The following CTNNA2 variants were observed in gnomAD, a reference collection of about 807,000 sequenced individuals.
CTNNA2 encodes catenin alpha-2.
In CTNNA2, 42 loss-of-function variants were observed where a neutral mutation model predicts 101.0. That is an observed-to-expected ratio of 0.42 (90% CI 0.32 to 0.54). The LOEUF is 0.54. CTNNA2 is among the 20% of genes least tolerant of loss of function. CTNNA2 has a pLI of 0.14. For synonymous variants in CTNNA2, 450 were observed against 456.4 expected (o/e 0.99, Z 0.18); for missense variants, 871 against 1,223.1 (o/e 0.71, Z 4.29).
chr2:79,282,135 A>T (rs920842382), intron 2 of CTNNA2, among the ~76,000 whole-genome samples: 5 of 152,178 alleles, frequency 3.3e-5, no homozygotes, highest in African/African-American at 1.2e-4. Flanking sequence ...TTCAGATGAG[A>T]AAAACAGGGT....
intron 7 of CTNNA2, among the ~76,000 whole-genome samples, chr2:80,315,568 C>T (rs1353153628): frequency 6.6e-6 from 1 of 152,138 alleles, no homozygotes; most frequent in African/African-American, 2.4e-5. Flanking sequence ...AGCTCTGGTG[C>T]AATCAGGTGG....
chr2:80,619,378 A>C (rs1670858393), intron 18 of CTNNA2, 150 bp downstream of exon 18: 4 of 815,776 alleles, frequency 4.9e-6, no homozygotes, highest in African/African-American at 1.8e-5. Context: ...TTTATTCTTT[A>C]TGTGGGTCAG....
intron 1 of CTNNA2, among the ~76,000 whole-genome samples, chr2:79,640,114 AT>A: frequency 6.6e-6 from 1 of 152,278 alleles, no homozygotes; most frequent in Middle Eastern, 3.4e-3. Context: ...GGTAAATCAA[AT>A]AGATAACAAC....
intron 7 of CTNNA2, among the ~76,000 whole-genome samples, chr2:79,970,953 C>T (rs1558687301): frequency 6.6e-6 from 1 of 152,118 alleles, no homozygotes; most frequent in South Asian, 2.1e-4. Flanking sequence ...ACTACTTGGC[C>T]TTATTCCTGG....
chr2:80,495,871 C>T (rs547733693), intron 9 of CTNNA2, among the ~76,000 whole-genome samples: 50 of 134,258 alleles, frequency 3.7e-4, no homozygotes, highest in African/African-American at 1.2e-3. Flanking sequence ...GCCCGGGAGA[C>T]GGAGGTTTCA....
At chr2:80,565,768 C>T (rs1026452639) in intron 12 of CTNNA2, among the ~76,000 whole-genome samples, 22 of 152,138 alleles carry the variant, frequency 1.4e-4, no homozygotes, top group Admixed American at 3.9e-4. Flanking sequence ...ATTTACCACT[C>T]GATTCCCGAT....
chr2:79,432,204 AACG>A (rs1678665955), intron 4 of CTNNA2, among the ~76,000 whole-genome samples: 1 of 152,184 alleles, frequency 6.6e-6, no homozygotes, highest in East Asian at 1.9e-4. Flanking sequence ...ACTAGGATGG[AACG>A]ACAAGTATTT....
At chr2:79,435,574 G>T (rs1267108095) in intron 4 of CTNNA2, among the ~76,000 whole-genome samples, 1 of 152,110 alleles carries the variant, frequency 6.6e-6, no homozygotes, top group African/African-American at 2.4e-5. Context: ...GTGATTCTGG[G>T]TTATCCCTCT....
intron 7 of CTNNA2, among the ~76,000 whole-genome samples, chr2:80,040,847 C>G (rs1034274983): frequency 6.6e-6 from 1 of 151,976 alleles, no homozygotes; most frequent in Non-Finnish European, 1.5e-5. Flanking sequence ...TAGGAATTTA[C>G]CTTAAGGAAA....
At chr2:80,441,551 A>G (rs76023450) in intron 9 of CTNNA2, among the ~76,000 whole-genome samples, 370 of 152,300 alleles carry the variant, frequency 2.4e-3, no homozygotes, top group African/African-American at 8.6e-3. Context: ...TCCACAGAGG[A>G]AATTTTAAAA....
Position 80,059,640 on chromosome 2 carries a change from G to A in CTNNA2, c.1056+149843G>A, listed in dbSNP as rs544433039. ...AAGCCATTTCTCCCCATCAGCGTGTGAGCCTATCACTAAATAAACTTCCTG... is the reference window on the plus strand; with the variant it reads ...AAGCCATTTCTCCCCATCAGCGTGTAAGCCTATCACTAAATAAACTTCCTG... On this transcript the variant is annotated intron_variant, in intron 7 of 18. Coordinates refer to ENST00000402739, the MANE Select transcript of CTNNA2 (RefSeq NM_001282597.3). Among the ~76,000 whole-genome samples, 46 of 152,298 alleles carry A rather than the reference G, an allele frequency of 3.0e-4. 1 individual carries two copies. The highest frequency in any genetic ancestry group is 1.1e-3 in the African/African-American group (45 of 41,548).
chr2:80,323,851 C>G (rs1009141605), intron 7 of CTNNA2, among the ~76,000 whole-genome samples: 1 of 152,124 alleles, frequency 6.6e-6, no homozygotes, highest in Non-Finnish European at 1.5e-5. Context: ...TCCACCCTAA[C>G]TCTTTACAAG....
At chr2:79,898,973 G>T (rs1235478614) in intron 6 of CTNNA2, among the ~76,000 whole-genome samples, 1 of 152,154 alleles carries the variant, frequency 6.6e-6, no homozygotes, top group Non-Finnish European at 1.5e-5. Flanking sequence ...GATCCAGGAA[G>T]AAGAACTGGG....
chr2:80,391,661 A>G (rs529473557), intron 7 of CTNNA2, among the ~76,000 whole-genome samples: 1 of 152,338 alleles, frequency 6.6e-6, no homozygotes, highest in Non-Finnish European at 1.5e-5. Context: ...AATTTGTGGC[A>G]GATCTGAACT....
chr2:80,299,525 A>G (rs1160831277), intron 7 of CTNNA2: 2 of 152,222 alleles, frequency 1.3e-5, no homozygotes, highest in African/African-American at 4.8e-5. Context: ...TTCTATGGTC[A>G]TCATTTGCTC....
At chr2:79,411,144 A>C (rs1457363485) in intron 4 of CTNNA2, among the ~76,000 whole-genome samples, 1 of 151,818 alleles carries the variant, frequency 6.6e-6, no homozygotes, top group Non-Finnish European at 1.5e-5. Context: ...ATCGGTGGTG[A>C]TATCCCCTTT....
intron 7 of CTNNA2, among the ~76,000 whole-genome samples, chr2:80,154,384 A>G (rs182726536): frequency 6.6e-6 from 1 of 152,316 alleles, no homozygotes; most frequent in East Asian, 1.9e-4. Flanking sequence ...TTGAAGAGCT[A>G]CTGCTACCGG....
At chr2:80,507,084 G>A (rs1210477310) in intron 9 of CTNNA2, among the ~76,000 whole-genome samples, 10 of 152,162 alleles carry the variant, frequency 6.6e-5, no homozygotes, top group Non-Finnish European at 1.5e-5. Context: ...AACTCCAAGA[G>A]TTGGAATCCT....
intron 3 of CTNNA2, among the ~76,000 whole-genome samples, chr2:79,809,155 G>A (rs1471183892): frequency 6.6e-6 from 1 of 152,144 alleles, no homozygotes. Context: ...TTCCATGGTG[G>A]ATATGTGCCA....
Sources: gnomAD v4.1 joint callset for allele counts (sites outside exome capture counted in the v4.1 genomes callset) on GRCh38, gnomAD v4.1.1 for gene constraint, MANE v1.5 for transcripts, NCBI Gene and HGNC (gene_info 2026-07-23, HGNC 2026-07-21) for gene names.